TAS2R20: variants seen among roughly 807,000 people sequenced by gnomAD.
The protein encoded by TAS2R20 is taste 2 receptor member 20, also known as taste receptor type 2 member 20.
For missense variants in TAS2R20, 364 were observed against 352.2 expected, an observed-to-expected ratio of 1.03 and a Z score of -0.27; for synonymous variants, 136 against 127.1, an observed-to-expected ratio of 1.07 and a Z score of -0.47.
Position 10,997,288 on chromosome 12 carries a change from C to G in TAS2R20, c.588G>C (p.Leu196=). 1 of 1,614,030 alleles carries G rather than the reference C, an allele frequency of 6.2e-7. No individual in the cohort carries two copies. Among genetic ancestry groups the G allele is most frequent in the Non-Finnish European group, 8.5e-7 (1 of 1,179,984 alleles). ...IPFTLTLISF[L]LLIYSLCKHL... ...GTTTACACAGAGAGTAGATTAACAGCAGAAAAGATATCAGGGTCAGAGTGA... is the reference window on the plus strand; with the variant it reads ...GTTTACACAGAGAGTAGATTAACAGGAGAAAAGATATCAGGGTCAGAGTGA... Residue 196 remains leucine (L), a synonymous_variant, in exon 1 of 1, where the codon CTG becomes CTC. Coordinates refer to ENST00000538986, the MANE Select transcript of TAS2R20 (RefSeq NM_176889.4).
rs1940400055 is a variant in TAS2R20 at position 10,998,214 on chromosome 12, CCT to C, written c.-341_-340del. ...TGCTAGCATTCAAATAAAGACATAT[CCT>C]CTTTCATTGCTTTGCAATTTTTTCC... On this transcript the variant is annotated 5_prime_UTR_variant, in exon 1 of 1. The change creates a premature stop within an existing upstream ORF in the 5' untranslated region. Transcript: ENST00000538986. 6.6e-6 allele frequency among the ~76,000 whole-genome samples: 1 copy of C among 152,094 alleles called. No individual in the cohort carries two copies. Among genetic ancestry groups the C allele is most frequent in the Non-Finnish European group, 1.5e-5 (1 of 68,004 alleles).
rs1383362901 is a variant in TAS2R20 at position 10,997,394 on chromosome 12, T to G, written c.482A>C (p.Asn161Thr). 6.2e-7 allele frequency: 1 copy of G among 1,614,010 alleles called. No homozygotes were observed. The highest frequency in any genetic ancestry group is 1.3e-5 in the African/African-American group (1 of 74,926). The change falls in exon 1 of 1, where the codon AAC (asparagine) becomes ACC (threonine). Residue 161 changes from asparagine (N) to threonine (T), a missense_variant. Physicochemically the swap from Asn to Thr is moderately conservative, Grantham distance 65. Transcript: ENST00000538986. ...CCTCAGTTTGATCTTCCAAGTTACG[T>G]TTCCTTCACATTCTTCTGTCCACAC... ...INVWTEECEG[N>T]VTWKIKLRNA...
At position 10,997,458 on chromosome 12, in the gene TAS2R20, A is replaced by G; in HGVS notation, c.418T>C (p.Leu140=). 2.5e-6 allele frequency: 4 copies of G among 1,614,050 alleles called. No homozygotes were observed. The highest frequency in any genetic ancestry group is 3.4e-6 in the Non-Finnish European group (4 of 1,179,978). The change falls in exon 1 of 1, where the codon TTG becomes CTG. Residue 140 remains leucine, a synonymous_variant. Transcript: ENST00000538986. ...LVIVLGSLFF[L]VCHLVMKHTY... Reference sequence around the variant, plus strand: ...TGTTTCATCACAAGGTGACAAACCAAAAAGAACAAAGACCCCAACACTATC... The same window carrying G: ...TGTTTCATCACAAGGTGACAAACCAGAAAGAACAAAGACCCCAACACTATC...
chr12:10,997,836 C>T lies in TAS2R20; in HGVS notation c.40G>A (p.Val14Met). 6.2e-7 allele frequency: 1 copy of T among 1,604,068 alleles called. No individual in the cohort carries two copies. Among genetic ancestry groups the T allele is most frequent in the Non-Finnish European group, 8.5e-7 (1 of 1,176,886 alleles). ...FLHIVFSILV[V>M]VAFILGNFAN... The stretch of plus-strand genomic sequence containing the variant: ...AAATTTCCAAGAATAAATGCAACCA[C>T]TACTAGAATGGAAAAAACAATGTGT... The change falls in exon 1 of 1, where the codon GTG becomes ATG. Residue 14 changes from valine (V) to methionine (M), a missense_variant. Val to Met is a conservative substitution (Grantham distance 21). Transcript: ENST00000538986.
In TAS2R20 at chr12:10,998,136, C is replaced by T. The variant is rs905235042; in HGVS notation, c.-261G>A. 2.0e-5 allele frequency among the ~76,000 whole-genome samples: 3 copies of T among 152,136 alleles called. No homozygotes were observed. The highest frequency in any genetic ancestry group is 7.2e-5 in the African/African-American group (3 of 41,432). On this transcript the variant is annotated 5_prime_UTR_variant, in exon 1 of 1. It removes the in-frame stop codon of an upstream open reading frame in the 5' UTR. Transcript: ENST00000538986. Reference sequence around the variant, plus strand: ...CTTATTCATAAAGTCTCTATTCTTGCTATAGGCTGAAATTTTTCATACTGA... The same window carrying T: ...CTTATTCATAAAGTCTCTATTCTTGTTATAGGCTGAAATTTTTCATACTGA...
At position 10,997,425 on chromosome 12, in the gene TAS2R20, T is replaced by A; in HGVS notation, c.451A>T (p.Ile151Leu). ...TCACATTCTTCTGTCCACACATTTA[T>A]ATACGTGTGTTTCATCACAAGGTGA... is the stretch of plus-strand genomic sequence containing the variant. ...VCHLVMKHTY[I>L]NVWTEECEGN... The change falls in exon 1 of 1, where the codon ATA becomes TTA. Residue 151 changes from isoleucine to leucine, a missense_variant. Transcript: ENST00000538986. 5.6e-6 allele frequency: 9 copies of A among 1,613,970 alleles called. No individual in the cohort carries two copies. Among genetic ancestry groups the A allele is most frequent in the Non-Finnish European group, 7.6e-6 (9 of 1,179,988 alleles).
Position 10,997,546 on chromosome 12 carries a change from G to C in TAS2R20, c.330C>G (p.Ile110Met), listed in dbSNP as rs1392922214. Residue 110 changes from isoleucine to methionine, a missense_variant, in exon 1 of 1, where the codon ATC becomes ATG. Coordinates refer to ENST00000538986, the MANE Select transcript of TAS2R20 (RefSeq NM_176889.4). ...GAAAAATAAGTCTGGAGAAATTGAC[G>C]ATCTTGAGCAAATAAAATATGCTGA... The part of the protein sequence containing the change: ...TSLSIFYLLK[I>M]VNFSRLIFHH... 1 of 1,614,022 alleles carries C rather than the reference G, an allele frequency of 6.2e-7. No individual in the cohort carries two copies. The highest frequency in any genetic ancestry group is 8.5e-7 in the Non-Finnish European group (1 of 1,179,958).
chr12:10,998,158 C>G lies in TAS2R20; in HGVS notation c.-283G>C, dbSNP rs535112635. On this transcript the variant is annotated 5_prime_UTR_variant, in exon 1 of 1. Transcript: ENST00000538986. Reference sequence around the variant, plus strand: ...TTGCTATAGGCTGAAATTTTTCATACTGATGTTGAAGGGAAAGCTGAATTC... The same window carrying G: ...TTGCTATAGGCTGAAATTTTTCATAGTGATGTTGAAGGGAAAGCTGAATTC... Among the ~76,000 whole-genome samples, 4 of 152,234 alleles carry G rather than the reference C, an allele frequency of 2.6e-5. No individual in the cohort carries two copies. Among genetic ancestry groups the G allele is most frequent in the African/African-American group, 9.6e-5 (4 of 41,556 alleles).
chr12:10,997,068 T>G lies in TAS2R20; in HGVS notation c.808A>C (p.Ile270Leu). ...VLMLCQAFGIIYPSFHSFILI... is the reference protein window; with the variant it reads ...VLMLCQAFGILYPSFHSFILI... The stretch of plus-strand genomic sequence containing the variant: ...ATGAATGAGTGGAATGATGGATATA[T>G]GATTCCAAAAGCTTGGCAAAGCATT... Residue 270 changes from isoleucine to leucine, a missense_variant, in exon 1 of 1, where the codon ATA becomes CTA. By Grantham distance (5) the Ile-to-Leu change is conservative. Transcript: ENST00000538986. The G allele has an allele frequency of 6.2e-7, 1 of 1,614,096 alleles. No individual in the cohort carries two copies. The highest frequency in any genetic ancestry group is 8.5e-7 in the Non-Finnish European group (1 of 1,179,968).
chr12:10,997,828 T>C lies in TAS2R20; in HGVS notation c.48A>G (p.Ala16=), dbSNP rs1940369488. The part of the protein sequence containing the change: ...HIVFSILVVV[A]FILGNFANGF... ...CATTGGCAAAATTTCCAAGAATAAA[T>C]GCAACCACTACTAGAATGGAAAAAA... The change falls in exon 1 of 1, where the codon GCA becomes GCG. Residue 16 remains alanine, a synonymous_variant. Transcript: ENST00000538986. 6 of 1,611,858 alleles carry C rather than the reference T, an allele frequency of 3.7e-6. No homozygotes were observed. The highest frequency in any genetic ancestry group is 5.1e-6 in the Non-Finnish European group (6 of 1,179,402).
rs764574447 is a variant in TAS2R20, at chr12:10,997,532, C to T, written c.344G>A (p.Arg115Lys). The T allele has an allele frequency of 1.2e-6, 2 of 1,613,972 alleles. No individual in the cohort carries two copies. The highest frequency in any genetic ancestry group is 1.7e-6 in the Non-Finnish European group (2 of 1,179,960). The part of the protein sequence containing the change: ...FYLLKIVNFS[R>K]LIFHHLKRKA... ...CCTTTTTAAGTGATGAAAAATAAGT[C>T]TGGAGAAATTGACGATCTTGAGCAA... Residue 115 changes from arginine (R) to lysine (K), a missense_variant, in exon 1 of 1, where the codon AGA becomes AAA. By Grantham distance (26) the Arg-to-Lys change is conservative (BLOSUM62 2). Coordinates refer to ENST00000538986, the MANE Select transcript of TAS2R20 (RefSeq NM_176889.4).
chr12:10,997,574 C>G lies in TAS2R20; in HGVS notation c.302G>C (p.Ser101Thr). The change falls in exon 1 of 1, where the codon AGC (serine) becomes ACC (threonine). Residue 101 changes from serine to threonine, a missense_variant. By Grantham distance (58) the Ser-to-Thr change is moderately conservative. Coordinates refer to ENST00000538986, the MANE Select transcript of TAS2R20 (RefSeq NM_176889.4). ...CTTGAGCAAATAAAATATGCTGAGG[C>G]TAGTAGCAAGCCAGATGCTGAAATG... ...TNHFSIWLATSLSIFYLLKIV... is the reference protein window; with the variant it reads ...TNHFSIWLATTLSIFYLLKIV... 1 of 1,614,044 alleles carries G rather than the reference C, an allele frequency of 6.2e-7. No individual in the cohort carries two copies. The highest frequency in any genetic ancestry group is 2.2e-5 in the East Asian group (1 of 44,866).
Position 10,997,290 on chromosome 12 carries a change from G to A in TAS2R20, c.586C>T (p.Leu196=), listed in dbSNP as rs770627316. The change falls in exon 1 of 1, where the codon CTG becomes TTG. Residue 196 remains leucine (L), a synonymous_variant. Coordinates refer to ENST00000538986, the MANE Select transcript of TAS2R20 (RefSeq NM_176889.4). ...IPFTLTLISF[L]LLIYSLCKHL... is the part of the protein sequence containing the mutation. ...TTACACAGAGAGTAGATTAACAGCA[G>A]AAAAGATATCAGGGTCAGAGTGAAT... The A allele has an allele frequency of 6.2e-7, 1 of 1,614,136 alleles. No individual in the cohort carries two copies.
rs1171610961 is a variant in TAS2R20 at position 10,996,440 on chromosome 12, G to T, written c.*506C>A. 1 of 151,354 alleles carries T rather than the reference G, an allele frequency of 6.6e-6. No individual in the cohort carries two copies. The highest frequency in any genetic ancestry group is 2.4e-5 in the African/African-American group (1 of 41,242). The allele number at this position is 151,354 out of a possible 1,614,324, so 9.4% of individuals were successfully genotyped here. ...GTCCTTACCATCCAAAAAATTAGAGGTTCAAACAATGATAGTTAAACAGTT... is the reference window on the plus strand; with the variant it reads ...GTCCTTACCATCCAAAAAATTAGAGTTTCAAACAATGATAGTTAAACAGTT... On this transcript the variant is annotated 3_prime_UTR_variant, in exon 1 of 1. Coordinates refer to ENST00000538986, the MANE Select transcript of TAS2R20 (RefSeq NM_176889.4).
At position 10,996,732 on chromosome 12, in the gene TAS2R20, AT is replaced by A; in HGVS notation, c.*213del. On this transcript the variant is annotated 3_prime_UTR_variant, in exon 1 of 1. Transcript: ENST00000538986. ...AAAGGTATGTTATGGTAAATATTAA[AT>A]TTTCATATACATTCAGACATACACA... is the stretch of plus-strand genomic sequence containing the variant. 2.8e-6 allele frequency: 1 copy of A among 353,918 alleles called. No individual in the cohort carries two copies. Among genetic ancestry groups the A allele is most frequent in the East Asian group, 4.5e-5 (1 of 22,006 alleles). The allele number at this position is 353,918 out of a possible 1,614,324, so 21.9% of individuals were successfully genotyped here.
At position 10,997,295 on chromosome 12, in the gene TAS2R20, G is replaced by C; in HGVS notation, c.581C>G (p.Ser194Cys). 6.2e-7 allele frequency: 1 copy of C among 1,614,122 alleles called. No individual in the cohort carries two copies. The highest frequency in any genetic ancestry group is 8.5e-7 in the Non-Finnish European group (1 of 1,180,010). The part of the protein sequence containing the change: ...NLIPFTLTLI[S>C]FLLLIYSLCK... The stretch of plus-strand genomic sequence containing the variant: ...CAGAGAGTAGATTAACAGCAGAAAA[G>C]ATATCAGGGTCAGAGTGAATGGTAT... The change falls in exon 1 of 1, where the codon TCT (serine) becomes TGT (cysteine). Residue 194 changes from serine to cysteine, a missense_variant. Physicochemically the swap from Ser to Cys is moderately radical, Grantham distance 112 (BLOSUM62 -1). Coordinates refer to ENST00000538986, the MANE Select transcript of TAS2R20 (RefSeq NM_176889.4).
In TAS2R20 at chr12:10,997,566, T is replaced by C. The variant is rs112963315; in HGVS notation, c.310A>G (p.Ile104Val). 5.0e-6 allele frequency: 8 copies of C among 1,614,004 alleles called. No individual in the cohort carries two copies. In the African/African-American group the frequency reaches 6.7e-5, roughly 13 times the overall value. The change falls in exon 1 of 1, where the codon ATA becomes GTA. Residue 104 changes from isoleucine to valine, a missense_variant. Transcript: ENST00000538986. ...TTGACGATCTTGAGCAAATAAAATA[T>C]GCTGAGGCTAGTAGCAAGCCAGATG... ...FSIWLATSLS[I>V]FYLLKIVNFS...
chr12:10,995,995 T>C lies in TAS2R20; in HGVS notation c.*951A>G, dbSNP rs1940207787. Among the ~76,000 whole-genome samples, 1 of 152,068 alleles carries C rather than the reference T, an allele frequency of 6.6e-6. No individual in the cohort carries two copies. The highest frequency in any genetic ancestry group is 2.4e-5 in the African/African-American group (1 of 41,416). ...CCCTTGAATTTTATTTTGTGCATTG[T>C]TATCTAACAATAATTGTATTTGCTT... On this transcript the variant is annotated 3_prime_UTR_variant, in exon 1 of 1. Coordinates refer to ENST00000538986, the MANE Select transcript of TAS2R20 (RefSeq NM_176889.4).
chr12:10,996,390 C>T lies in TAS2R20; in HGVS notation c.*556G>A, dbSNP rs918874850. The T allele has an allele frequency of 6.6e-6, 1 of 151,050 alleles. No individual in the cohort carries two copies. Among genetic ancestry groups the T allele is most frequent in the African/African-American group, 2.4e-5 (1 of 41,184 alleles). The allele number at this position is 151,050 out of a possible 1,614,324, so 9.4% of individuals were successfully genotyped here. A position where few individuals can be genotyped will look rare whatever the true frequency, so the allele number is the denominator to read the frequency against. ...AACAAAAAAACCTACCCCAAAGACA[C>T]ATTCTCATCGATTTAGAATTAAATG... On this transcript the variant is annotated 3_prime_UTR_variant, in exon 1 of 1. Coordinates refer to ENST00000538986, the MANE Select transcript of TAS2R20 (RefSeq NM_176889.4).
Sources: gnomAD v4.1 joint callset for allele counts (sites outside exome capture counted in the v4.1 genomes callset) on GRCh38, gnomAD v4.1.1 for gene constraint, MANE v1.5 for transcripts, NCBI Gene and HGNC (gene_info 2026-07-23, HGNC 2026-07-21) for gene names.